Variants in CSMD2 observed in about 807,000 individuals in gnomAD.
CSMD2 encodes CUB and Sushi multiple domains 2, also known as CUB and sushi domain-containing protein 2.
Under a neutral mutation model 398.5 loss-of-function variants are expected in CSMD2, and 130 were observed. The ratio of observed to expected loss-of-function variants is 0.33; its 90% confidence interval spans 0.28 to 0.38. The LOEUF (loss-of-function observed/expected upper bound fraction) is 0.38, where lower values mean the gene tolerates loss of function less well. Ranked by LOEUF, CSMD2 falls within the 10% of genes least tolerant of loss-of-function variation. CSMD2 has a pLI of 1.00. For synonymous variants in CSMD2, 1,828 were observed against 1,908.5 expected (o/e 0.96, Z 1.10); for missense variants, 3,829 against 4,764.9 (o/e 0.80, Z 5.78).
intron 56 of CSMD2, among the ~76,000 whole-genome samples, chr1:33,546,694 T>C (rs1413410740): frequency 6.6e-6 from 1 of 151,974 alleles, no homozygotes; most frequent in Non-Finnish European, 1.5e-5. Context: ...TCTTCTACTT[T>C]GTCCTCTAAT....
intron 3 of CSMD2, among the ~76,000 whole-genome samples, chr1:34,017,921 C>T (rs930171523): frequency 6.6e-6 from 1 of 152,200 alleles, no homozygotes; most frequent in Non-Finnish European, 1.5e-5. Flanking sequence ...ATAGCTTTCA[C>T]ACAAGCCAGG....
chr1:33,808,378 C>T (rs1656470918), intron 10 of CSMD2, among the ~76,000 whole-genome samples: 1 of 151,296 alleles, frequency 6.6e-6, no homozygotes, highest in Admixed American at 6.6e-5. Context: ...CCTAAAAGCA[C>T]AAATTTCAAA....
rs146942414 is a variant in CSMD2 at position 33,764,658 on chromosome 1, C to T, written c.1846+7911G>A. On this transcript the variant is annotated intron_variant, in intron 13 of 70. Transcript: ENST00000373381. ...AAGCAGAGGAAGCTCACACCGATCACGGTCCCTGGCCTAATCACAAACAGT... is the reference window on the plus strand; with the variant it reads ...AAGCAGAGGAAGCTCACACCGATCATGGTCCCTGGCCTAATCACAAACAGT... Among the ~76,000 whole-genome samples the T allele has an allele frequency of 9.8e-4, 149 of 152,338 alleles. 1 individual carries two copies. The highest frequency in any genetic ancestry group is 3.4e-3 in the African/African-American group (143 of 41,578).
intron 1 of CSMD2, among the ~76,000 whole-genome samples, 162 bp from the exon 2 acceptor site, chr1:34,089,355 A>G (rs575597311): frequency 1.3e-5 from 2 of 152,298 alleles, no homozygotes; most frequent in African/African-American, 2.4e-5. Context: ...AGGGTGACTA[A>G]CGTTGATTGT....
At chr1:33,661,735 G>C (rs1349183945) in intron 26 of CSMD2, among the ~76,000 whole-genome samples, 3 of 152,148 alleles carry the variant, frequency 2.0e-5, no homozygotes, top group Admixed American at 2.0e-4. Context: ...GCTGCTAAAT[G>C]CTTATTTCCA....
intron 15 of CSMD2, among the ~76,000 whole-genome samples, chr1:33,738,126 T>C (rs543560994): frequency 6.6e-6 from 1 of 152,260 alleles, no homozygotes; most frequent in South Asian, 2.1e-4. Context: ...CATTCTCCTG[T>C]CCTTCCTGTT....
Position 33,534,198 on chromosome 1 carries a change from A to G in CSMD2, c.9880-291T>C, listed in dbSNP as rs1290204832. Among the ~76,000 whole-genome samples the G allele has an allele frequency of 3.9e-5, 6 of 152,130 alleles. No homozygotes were observed. In the East Asian group the frequency reaches 9.6e-4, roughly 24 times the overall value. On this transcript the variant is annotated intron_variant, in intron 62 of 70. Transcript: ENST00000373381. The stretch of plus-strand genomic sequence containing the variant: ...CCTGGATCCGAGTTCTGGCTTCTGC[A>G]TTTACTCAGGGCAGGCTGCATGGAA...
At chr1:34,095,791 C>T (rs1313125875) in intron 1 of CSMD2, among the ~76,000 whole-genome samples, 2 of 150,620 alleles carry the variant, frequency 1.3e-5, no homozygotes, top group African/African-American at 4.9e-5. Context: ...CAAAAAGAGT[C>T]CAGGACCAGA....
intron 5 of CSMD2, among the ~76,000 whole-genome samples, chr1:33,865,462 GTAT>G (rs1033969196): frequency 6.6e-6 from 1 of 150,984 alleles, no homozygotes; most frequent in Non-Finnish European, 1.5e-5. Context: ...GTGGATAGAT[GTAT>G]AATATGTGGC....
At chr1:34,016,450 A>G (rs1251932072) in intron 3 of CSMD2, among the ~76,000 whole-genome samples, 1 of 152,152 alleles carries the variant, frequency 6.6e-6, no homozygotes, top group Non-Finnish European at 1.5e-5. Flanking sequence ...GATGGATTCC[A>G]GCTTCATCCA....
chr1:34,104,570 C>T (rs185037450), intron 1 of CSMD2, among the ~76,000 whole-genome samples: 1 of 152,240 alleles, frequency 6.6e-6, no homozygotes, highest in African/African-American at 2.4e-5. Context: ...TTTGTTGAAG[C>T]CACGCAATTA....
chr1:33,778,639 C>T (rs111869988), intron 12 of CSMD2, among the ~76,000 whole-genome samples: 8 of 152,288 alleles, frequency 5.3e-5, no homozygotes, highest in African/African-American at 1.2e-4. Flanking sequence ...GCATGGAAAC[C>T]GTGCCAAATG....
chr1:33,664,158 A>G (rs1644233002), intron 25 of CSMD2, among the ~76,000 whole-genome samples: 1 of 152,242 alleles, frequency 6.6e-6, no homozygotes, highest in South Asian at 2.1e-4. Flanking sequence ...GATGTACTGA[A>G]TTTTAAAAAA....
rs1374429327 is a variant in CSMD2, at chr1:33,935,876, T to C, written c.596A>G (p.Asp199Gly). 6.2e-7 allele frequency: 1 copy of C among 1,614,174 alleles called. No individual in the cohort carries two copies. Among genetic ancestry groups the C allele is most frequent in the Non-Finnish European group, 8.5e-7 (1 of 1,180,000 alleles). The stretch of plus-strand genomic sequence containing the variant: ...AAGGTTGCAGCTGTAGCGGACCTTG[T>C]CACCGAGGTTGAAGGTTGAACCCTG... Reference protein sequence around the residue: ...IQQGSTFNLGDKVRYSCNLGF... With the variant: ...IQQGSTFNLGGKVRYSCNLGF... Residue 199 changes from aspartate (D) to glycine (G), a missense_variant, in exon 4 of 71, where the codon GAC (aspartate) becomes GGC (glycine). This residue lies in a region of CSMD2 where 2,001 missense variants were observed against 2,567.1 expected (regional missense o/e 0.78). Coordinates refer to ENST00000373381, the MANE Select transcript of CSMD2 (RefSeq NM_001281956.2).
intron 51 of CSMD2, 39 bp from the exon 52 acceptor site, chr1:33,569,586 G>A: frequency 1.3e-6 from 2 of 1,598,328 alleles, no homozygotes; most frequent in Non-Finnish European, 1.7e-6. Context: ...CCAGCCCCAA[G>A]AGGAGGGACA....
chr1:33,671,455 G>C (rs911125772), intron 25 of CSMD2, among the ~76,000 whole-genome samples: 2 of 151,972 alleles, frequency 1.3e-5, no homozygotes, highest in South Asian at 4.2e-4. Flanking sequence ...CTTGCTCTGC[G>C]GGGGCTGGAT....
intron 5 of CSMD2, chr1:33,863,610 G>A (rs1015425599): frequency 6.6e-6 from 1 of 152,556 alleles, no homozygotes; most frequent in Non-Finnish European, 1.5e-5. Context: ...TAAACCCTTT[G>A]TATGGCATGA....
intron 13 of CSMD2, among the ~76,000 whole-genome samples, chr1:33,759,324 CTTT>C (rs756784492): frequency 3.2e-5 from 4 of 124,784 alleles, no homozygotes; most frequent in African/African-American, 6.1e-5. Flanking sequence ...CTTTTTTTTT[CTTT>C]TTTTTTTTTT....
chr1:33,993,952 T>C (rs1646644229), intron 3 of CSMD2, among the ~76,000 whole-genome samples: 1 of 152,158 alleles, frequency 6.6e-6, no homozygotes, highest in African/African-American at 2.4e-5. Flanking sequence ...GTAAGTCCAA[T>C]GTGTCTAGCT....
Sources: allele counts gnomAD v4.1 joint callset (sites outside exome capture counted in the v4.1 genomes callset), GRCh38; gene constraint gnomAD v4.1.1; regional missense constraint gnomAD v4.1.1; transcripts MANE v1.5; gene names NCBI Gene and HGNC (gene_info 2026-07-23, HGNC 2026-07-21).